GRIP2: variants seen among roughly 807,000 people sequenced by gnomAD.
The protein encoded by GRIP2 is glutamate receptor-interacting protein 2.
Under a neutral mutation model 108.3 loss-of-function variants are expected in GRIP2, and 58 were observed. The observed-to-expected ratio is 0.54, with a 90% CI of 0.43 to 0.67. The LOEUF is 0.67. Among genes scored for constraint, GRIP2 ranks in the 30% least tolerant of loss-of-function variants. The probability of loss-of-function intolerance (pLI) is 0.00; values close to 1 mark genes in which losing one functional copy is unlikely to be tolerated. For missense variants in GRIP2, 1,278 were observed against 1,430.6 expected, an observed-to-expected ratio of 0.89 and a Z score of 1.72; for synonymous variants, 586 against 598.2, an observed-to-expected ratio of 0.98 and a Z score of 0.30.
At chr3:14,599,352 C>A in the GRIP2 span, among the ~76,000 whole-genome samples, 1 of 152,176 alleles carries the variant, frequency 6.6e-6, no homozygotes, top group African/African-American at 2.4e-5. Flanking sequence ...TCAGGCCACA[C>A]CACAGGAAGA....
chr3:14,553,551 C>A (rs536569635), intron 1 of GRIP2, among the ~76,000 whole-genome samples: 3 of 152,300 alleles, frequency 2.0e-5, no homozygotes, highest in South Asian at 2.1e-4. Context: ...AATAACTACA[C>A]CCTCGAGTCT....
chr3:14,574,235 T>C, the GRIP2 span: 1 of 873,500 alleles, frequency 1.1e-6, no homozygotes, highest in Non-Finnish European at 1.9e-6. Context: ...CCTCGATCTG[T>C]CGCTTGACGA....
the GRIP2 span, among the ~76,000 whole-genome samples, chr3:14,591,938 G>C: frequency 6.6e-6 from 1 of 152,238 alleles, no homozygotes; most frequent in Non-Finnish European, 1.5e-5. Context: ...TCGGGCCTCT[G>C]TATCCACATC....
chr3:14,512,059 G>T lies in GRIP2; in HGVS notation c.1721-580C>A, dbSNP rs186817251. Among the ~76,000 whole-genome samples the T allele has an allele frequency of 5.3e-5, 8 of 152,358 alleles. No individual in the cohort carries two copies. Among genetic ancestry groups the T allele is most frequent in the Admixed American group, 5.2e-4 (8 of 15,302 alleles). On this transcript the variant is annotated intron_variant, in intron 14 of 23. Transcript: ENST00000621039. The surrounding 1 kb of genome is among the most constrained non-coding windows in gnomAD (Gnocchi z 5.1). ...AGGGCGGTAAATGTTCAGTCAGGTG[G>T]TCGGGGAAGGCCTTGTCAAGTGACA... is the stretch of plus-strand genomic sequence containing the variant.
Position 14,503,706 on chromosome 3 carries a change from G to A in GRIP2, c.2574-35C>T, listed in dbSNP as rs1267539859. 6 of 818,342 alleles carry A rather than the reference G, an allele frequency of 7.3e-6. No individual in the cohort carries two copies. The Admixed American group carries it at 8.4e-5, about 12-fold the overall frequency. The allele number at this position is 818,342 out of a possible 1,614,324, so 50.7% of individuals were successfully genotyped here. On this transcript the variant is annotated intron_variant, in intron 20 of 23. Transcript: ENST00000621039. ...AGGAACCAGAGAGCGTCAACTCCTG[G>A]CAGGCGGGTGGGCGGGCTGGGGCCT...
At chr3:14,583,880 C>A in the GRIP2 span, among the ~76,000 whole-genome samples, 3 of 152,212 alleles carry the variant, frequency 2.0e-5, no homozygotes, top group African/African-American at 7.2e-5. Flanking sequence ...GGAGGGGCCA[C>A]ACCAGCAAAG....
chr3:14,493,830 C>T lies in GRIP2; in HGVS notation c.2971-4G>A. On this transcript the variant is annotated splice_region_variant and splice_polypyrimidine_tract_variant and intron_variant, in intron 23 of 23. Coordinates refer to ENST00000621039, the MANE Select transcript of GRIP2 (RefSeq NM_001080423.4). Reference sequence around the variant, plus strand: ...CCCGTGTACGGACGTGGTTGACCTGCATGGGGCACAAGCAAGGGAACAGAA... The same window carrying T: ...CCCGTGTACGGACGTGGTTGACCTGTATGGGGCACAAGCAAGGGAACAGAA... The T allele has an allele frequency of 6.2e-7, 1 of 1,609,628 alleles. No homozygotes were observed. The highest frequency in any genetic ancestry group is 8.5e-7 in the Non-Finnish European group (1 of 1,177,000).
chr3:14,573,783 C>T, the GRIP2 span: 13 of 1,547,718 alleles, frequency 8.4e-6, no homozygotes, highest in South Asian at 1.1e-5. Flanking sequence ...GCAGACAGAG[C>T]CAAACTGTCT....
the GRIP2 span, chr3:14,573,323 C>T: frequency 7.1e-7 from 1 of 1,408,586 alleles, no homozygotes; most frequent in African/African-American, 1.4e-5. Flanking sequence ...TGACACCACT[C>T]AGCAGGTAGA....
chr3:14,529,916 T>C (rs1694664698), intron 1 of GRIP2, among the ~76,000 whole-genome samples: 1 of 152,220 alleles, frequency 6.6e-6, no homozygotes, highest in South Asian at 2.1e-4. Flanking sequence ...TTCCCCTGGG[T>C]GCTTGCCAAA....
chr3:14,548,301 G>A (rs546154089), intron 1 of GRIP2, among the ~76,000 whole-genome samples: 11 of 152,122 alleles, frequency 7.2e-5, no homozygotes, highest in Admixed American at 2.0e-4. Flanking sequence ...GGGCATTCCC[G>A]GCACTGTGAC....
chr3:14,587,046 C>T, the GRIP2 span, among the ~76,000 whole-genome samples: 1 of 152,156 alleles, frequency 6.6e-6, no homozygotes, highest in African/African-American at 2.4e-5. Context: ...TTTTCTTCTT[C>T]GTCTTTATTT....
chr3:14,563,905 G>A, the GRIP2 span, among the ~76,000 whole-genome samples: 6 of 152,280 alleles, frequency 3.9e-5, no homozygotes, highest in African/African-American at 1.2e-4. Flanking sequence ...GAAAGAAAGC[G>A]GCTGTTTCTG....
In GRIP2 at chr3:14,496,525, G is replaced by A. The variant is rs1371701139; in HGVS notation, c.2715C>T (p.Ala905=). ...GCCGGTGGCCAGGCCTGCCCTCGAG[G>A]GCCACCCTCTGCACGGTGCCCGTCA... ...SIMTGTVQRV[A]LEGRPGHRPW... is the part of the protein sequence containing the mutation. Residue 905 remains alanine, a synonymous_variant, in exon 22 of 24, where the codon GCC becomes GCT. Transcript: ENST00000621039. 6.2e-7 allele frequency: 1 copy of A among 1,612,720 alleles called. No homozygotes were observed. Among genetic ancestry groups the A allele is most frequent in the Admixed American group, 1.7e-5 (1 of 59,948 alleles).
At chr3:14,551,645 G>A (rs968864487) in intron 1 of GRIP2, among the ~76,000 whole-genome samples, 1 of 152,160 alleles carries the variant, frequency 6.6e-6, no homozygotes, top group African/African-American at 2.4e-5. Context: ...AGAGGACTTG[G>A]GGGAGCCTGG....
At chr3:14,535,133 G>A (rs1694804877) in intron 1 of GRIP2, among the ~76,000 whole-genome samples, 1 of 152,138 alleles carries the variant, frequency 6.6e-6, no homozygotes, top group African/African-American at 2.4e-5. Flanking sequence ...CCGGGACCCT[G>A]GGTGCTGAAG....
chr3:14,568,978 G>A, the GRIP2 span, among the ~76,000 whole-genome samples: 6 of 152,326 alleles, frequency 3.9e-5, no homozygotes, highest in Non-Finnish European at 8.8e-5. Context: ...GGCTGTTGTG[G>A]GGGTAATGCA....
intron 12 of GRIP2, 74 bp downstream of exon 12, chr3:14,514,218 G>T: frequency 7.5e-7 from 1 of 1,328,968 alleles, no homozygotes; most frequent in Non-Finnish European, 1.0e-6. Flanking sequence ...CGCTTGTGAA[G>T]CTAGGGCTTG....
chr3:14,574,513 G>C, the GRIP2 span: 11 of 738,370 alleles, frequency 1.5e-5, no homozygotes, highest in African/African-American at 5.1e-5. Context: ...CTGCCAGTGA[G>C]GTACTCCTGC....
Sources: allele counts gnomAD v4.1 joint callset (sites outside exome capture counted in the v4.1 genomes callset), GRCh38; gene constraint gnomAD v4.1.1; non-coding constraint Gnocchi (gnomAD v3.1); transcripts MANE v1.5; gene names NCBI Gene and HGNC (gene_info 2026-07-23, HGNC 2026-07-21).